ZFR: variants seen among roughly 807,000 people sequenced by gnomAD.
ZFR encodes zinc finger RNA binding protein.
ZFR carries 19 observed loss-of-function variants against 130.7 expected under a neutral mutation model. That is an observed-to-expected ratio of 0.15 (90% CI 0.10 to 0.21). The LOEUF (loss-of-function observed/expected upper bound fraction) is 0.21. Among genes scored for constraint, ZFR ranks in the 10% least tolerant of loss-of-function variants. ZFR has a pLI of 1.00. For synonymous variants in ZFR, 466 were observed against 456.9 expected, an observed-to-expected ratio of 1.02 and a Z score of -0.25; for missense variants, 872 against 1,321.5, an observed-to-expected ratio of 0.66 and a Z score of 5.27.
chr5:32,379,489 C>CA, intron 16 of ZFR: 1 of 131,834 alleles, frequency 7.6e-6, no homozygotes, highest in Non-Finnish European at 1.3e-5. Context: ...AAACAGTAAA[C>CA]TTAAAAAAAA....
intron 4 of ZFR, among the ~76,000 whole-genome samples, chr5:32,415,760 C>T (rs1753813303): frequency 6.6e-6 from 1 of 152,120 alleles, no homozygotes; most frequent in South Asian, 2.1e-4. Flanking sequence ...TCTTAAATGG[C>T]TGCCACTGAT....
chr5:32,407,660 T>C (rs80319717), intron 5 of ZFR, among the ~76,000 whole-genome samples: 5,394 of 152,164 alleles, frequency 0.035, 109 homozygotes, highest in Middle Eastern at 0.075. Context: ...GATGAAAATA[T>C]AGAACAACTG....
chr5:32,444,486 A>G lies in ZFR; in HGVS notation c.37+136T>C, dbSNP rs1407656383. On this transcript the variant is annotated intron_variant, in intron 1 of 19. Coordinates refer to ENST00000265069, the MANE Select transcript of ZFR (RefSeq NM_016107.5). ...GCGCCGCCTCCCCCTCCCGCCTCGC[A>G]CTCCCTCACTCACTCGCACGCCCGG... 4.0e-6 allele frequency: 5 copies of G among 1,264,700 alleles called. No homozygotes were observed. The African/African-American group carries it at 8.1e-5, about 20-fold the overall frequency. 78.3% of individuals were successfully genotyped at this position (1,264,700 alleles called of 1,614,324 possible). A position where few individuals can be genotyped will look rare whatever the true frequency, so the allele number is the denominator to read the frequency against.
intron 19 of ZFR, among the ~76,000 whole-genome samples, chr5:32,360,522 G>C (rs987233583): frequency 6.6e-6 from 1 of 152,148 alleles, no homozygotes; most frequent in African/African-American, 2.4e-5. Context: ...ATGTCTGGCT[G>C]AATAATATTC....
chr5:32,415,515 T>TGTGCGCGC (rs1326041688), intron 4 of ZFR, among the ~76,000 whole-genome samples: 230 of 97,964 alleles, frequency 2.3e-3, no homozygotes, highest in Middle Eastern at 8.6e-3. Flanking sequence ...TGTGTGTGTG[T>TGTGCGCGC]GCGCGCGCGC....
At chr5:32,429,013 T>C (rs1207595830) in intron 2 of ZFR, among the ~76,000 whole-genome samples, 1 of 133,448 alleles carries the variant, frequency 7.5e-6, no homozygotes, top group Non-Finnish European at 1.5e-5. Flanking sequence ...TGAGACGGAG[T>C]CTTGCTCTGT....
intron 5 of ZFR, among the ~76,000 whole-genome samples, chr5:32,409,707 C>T (rs192230080): frequency 2.6e-4 from 39 of 152,270 alleles, no homozygotes; most frequent in African/African-American, 8.9e-4. Context: ...CACCTGCATC[C>T]GAATATTTTC....
chr5:32,400,207 GAA>G lies in ZFR; in HGVS notation c.1517-6_1517-5del. 6.4e-7 allele frequency: 1 copy of G among 1,567,276 alleles called. No individual in the cohort carries two copies. Among genetic ancestry groups the G allele is most frequent in the Non-Finnish European group, 8.6e-7 (1 of 1,161,284 alleles). ...GTTGACTGCAGCTTATTACCACCTAGAAAAGTATCAAAAAGTTAAAAAAAATT... is the reference window on the plus strand; with the variant it reads ...GTTGACTGCAGCTTATTACCACCTAGAAGTATCAAAAAGTTAAAAAAAATT... On this transcript the variant is annotated splice_region_variant and splice_polypyrimidine_tract_variant and intron_variant, in intron 8 of 19. Coordinates refer to ENST00000265069, the MANE Select transcript of ZFR (RefSeq NM_016107.5).
chr5:32,398,893 G>A (rs1753378501), intron 9 of ZFR, among the ~76,000 whole-genome samples: 1 of 151,964 alleles, frequency 6.6e-6, no homozygotes, highest in Non-Finnish European at 1.5e-5. Context: ...CTCCCAAAGT[G>A]CTGCAATTAC....
chr5:32,390,983 A>C (rs780611052), intron 11 of ZFR, among the ~76,000 whole-genome samples: 6 of 152,190 alleles, frequency 3.9e-5, no homozygotes, highest in Non-Finnish European at 8.8e-5. Context: ...AGCTCCTATT[A>C]ATTGTTGCCA....
chr5:32,361,297 TG>T (rs1425690580), intron 19 of ZFR, among the ~76,000 whole-genome samples: 1 of 152,228 alleles, frequency 6.6e-6, no homozygotes, highest in Non-Finnish European at 1.5e-5. Flanking sequence ...TTGAAAATCC[TG>T]AAAGTCTCAA....
At chr5:32,430,591 G>T (rs990276441) in intron 2 of ZFR, among the ~76,000 whole-genome samples, 1 of 152,064 alleles carries the variant, frequency 6.6e-6, no homozygotes, top group African/African-American at 2.4e-5. Flanking sequence ...ACAATGTTCA[G>T]ATTCAGGAGT....
chr5:32,358,533 G>A (rs764459868), intron 19 of ZFR, among the ~76,000 whole-genome samples: 79 of 152,042 alleles, frequency 5.2e-4, no homozygotes, highest in South Asian at 2.1e-3. Flanking sequence ...GGTGGCGGGT[G>A]CCTATAGTCC....
chr5:32,400,911 T>C (rs1249813834), intron 8 of ZFR, among the ~76,000 whole-genome samples: 1 of 152,154 alleles, frequency 6.6e-6, no homozygotes, highest in Non-Finnish European at 1.5e-5. Context: ...AAAAGTTAAG[T>C]TCAATGATTA....
At chr5:32,365,410 C>T (rs1752520606) in intron 17 of ZFR, among the ~76,000 whole-genome samples, 1 of 151,904 alleles carries the variant, frequency 6.6e-6, no homozygotes, top group Non-Finnish European at 1.5e-5. Flanking sequence ...AAATAGCGCA[C>T]ATTAACAACT....
At chr5:32,444,398 A>G in intron 1 of ZFR, 70 bp from the exon 2 acceptor site, 1 of 1,485,794 alleles carries the variant, frequency 6.7e-7, no homozygotes, top group East Asian at 2.7e-5. Flanking sequence ...ACGCCGAGGG[A>G]GGGCAGGGAG....
intron 17 of ZFR, among the ~76,000 whole-genome samples, chr5:32,378,187 T>C (rs1752865878): frequency 6.6e-6 from 1 of 152,132 alleles, no homozygotes; most frequent in Non-Finnish European, 1.5e-5. Flanking sequence ...CCTCAAAAGC[T>C]TGACAACAAT....
intron 15 of ZFR, among the ~76,000 whole-genome samples, chr5:32,382,922 TAACA>T (rs1255423598): frequency 6.6e-6 from 1 of 152,026 alleles, no homozygotes; most frequent in East Asian, 1.9e-4. Context: ...AACACCCAGT[TAACA>T]AAGCAAAAAA....
chr5:32,380,905 C>A (rs1415874102), intron 15 of ZFR, among the ~76,000 whole-genome samples: 1 of 151,350 alleles, frequency 6.6e-6, no homozygotes, highest in Non-Finnish European at 1.5e-5. Context: ...CCGCCTCGGC[C>A]TCCCAAAGTG....
Sources: gnomAD v4.1 joint callset for allele counts (sites outside exome capture counted in the v4.1 genomes callset) on GRCh38, gnomAD v4.1.1 for gene constraint, MANE v1.5 for transcripts, NCBI Gene and HGNC (gene_info 2026-07-23, HGNC 2026-07-21) for gene names.